The following ZNF280C variants were observed in gnomAD, a reference collection of about 807,000 sequenced individuals.
ZNF280C encodes suppressor of hairy wing homolog 3.
Under a neutral mutation model 53.6 loss-of-function variants are expected in ZNF280C, and 14 were observed. The ratio of observed to expected loss-of-function variants is 0.26; its 90% confidence interval spans 0.17 to 0.41. The LOEUF (loss-of-function observed/expected upper bound fraction) is 0.41, where lower values mean the gene tolerates loss of function less well. Ranked by LOEUF, ZNF280C falls within the 10% of genes least tolerant of loss-of-function variation. The probability of loss-of-function intolerance (pLI) is 1.00; values close to 1 mark genes in which losing one functional copy is unlikely to be tolerated. For synonymous variants in ZNF280C, 203 were observed against 181.1 expected (o/e 1.12, Z -0.97); for missense variants, 416 against 547.1 (o/e 0.76, Z 2.39).
At chrX:130,262,246 T>C (rs1443610771) in intron 1 of ZNF280C, among the ~76,000 whole-genome samples, 1 of 111,423 alleles carries the variant, frequency 9.0e-6, no homozygotes, top group Admixed American at 9.6e-5. Flanking sequence ...TAGCCACATG[T>C]GGCTACTTCA....
chrX:130,217,070 G>A (rs2032112750), intron 13 of ZNF280C, among the ~76,000 whole-genome samples: 1 of 111,853 alleles, frequency 8.9e-6, no homozygotes, highest in Non-Finnish European at 1.9e-5. Flanking sequence ...TTAAAGGTAA[G>A]AGTTACCATT....
chrX:130,262,954 A>G (rs1264791192), intron 1 of ZNF280C, among the ~76,000 whole-genome samples: 4 of 112,757 alleles, frequency 3.5e-5, no homozygotes, highest in African/African-American at 1.3e-4. Flanking sequence ...TGACATAGTT[A>G]AAATGGTAAA....
At chrX:130,242,187 G>A (rs770990594) in intron 5 of ZNF280C, among the ~76,000 whole-genome samples, 1 of 109,978 alleles carries the variant, frequency 9.1e-6, no homozygotes, top group Non-Finnish European at 1.9e-5. Context: ...AGGTTGCAGA[G>A]AGCTGAGATC....
At chrX:130,264,024 CAAAAAAA>C (rs538734296) in intron 1 of ZNF280C, among the ~76,000 whole-genome samples, 4 of 24,055 alleles carry the variant, frequency 1.7e-4, no homozygotes, top group Admixed American at 1.5e-3. Flanking sequence ...GACACCATCT[CAAAAAAA>C]AAAAAAAAAA....
At chrX:130,217,986 C>T (rs1029034933) in intron 13 of ZNF280C, among the ~76,000 whole-genome samples, 1 of 111,313 alleles carries the variant, frequency 9.0e-6, no homozygotes, top group Non-Finnish European at 1.9e-5. Flanking sequence ...GCCTGGGCAA[C>T]TCATCTCTAC....
At chrX:130,263,168 G>A (rs2124718647) in intron 1 of ZNF280C, among the ~76,000 whole-genome samples, 1 of 112,150 alleles carries the variant, frequency 8.9e-6, no homozygotes, top group South Asian at 3.7e-4. Context: ...TCCTCACAAA[G>A]TTAAACAGAG....
intron 16 of ZNF280C, among the ~76,000 whole-genome samples, chrX:130,207,419 G>T (rs1331614233): frequency 9.0e-6 from 1 of 111,531 alleles, no homozygotes; most frequent in Non-Finnish European, 1.9e-5. Flanking sequence ...GAGTGCAGTG[G>T]CGCGATCTCG....
chrX:130,251,494 A>C (rs1000908408), intron 2 of ZNF280C, among the ~76,000 whole-genome samples: 7 of 110,817 alleles, frequency 6.3e-5, no homozygotes, highest in African/African-American at 2.3e-4. Flanking sequence ...AAACAGCCAG[A>C]GTAGCGCAGG....
chrX:130,210,679 T>C (rs779095069), intron 15 of ZNF280C, among the ~76,000 whole-genome samples: 1 of 112,509 alleles, frequency 8.9e-6, no homozygotes, highest in African/African-American at 3.2e-5. Flanking sequence ...GCAGAGCTCA[T>C]GAATTAAAAC....
chrX:130,221,167 T>C (rs193084079), intron 12 of ZNF280C, among the ~76,000 whole-genome samples: 1,213 of 111,629 alleles, frequency 0.011, 8 homozygotes, highest in Non-Finnish European at 0.018. Flanking sequence ...ATAAGGTGTT[T>C]GCATTACTAT....
intron 2 of ZNF280C, among the ~76,000 whole-genome samples, chrX:130,247,488 G>A (rs1362375628): frequency 1.8e-5 from 2 of 111,376 alleles, no homozygotes; most frequent in Non-Finnish European, 3.8e-5. Flanking sequence ...CCCCCACCCT[G>A]AGCGGCCATC....
chrX:130,239,471 T>C (rs2032366402), intron 6 of ZNF280C, 111 bp downstream of exon 6: 1 of 424,731 alleles, frequency 2.4e-6, no homozygotes, highest in Non-Finnish European at 4.1e-6. Context: ...CATGTTATAA[T>C]ATATGAAAAA....
chrX:130,224,361 G>C (rs1312975993), intron 12 of ZNF280C, among the ~76,000 whole-genome samples: 4 of 111,579 alleles, frequency 3.6e-5, no homozygotes, highest in Non-Finnish European at 7.5e-5. Flanking sequence ...ATAAGTGCTT[G>C]TTGTTTAAGC....
Position 130,227,981 on chromosome X carries a change from C to G in ZNF280C, c.1148-199G>C, listed in dbSNP as rs374633078. 5.7e-4 allele frequency among the ~76,000 whole-genome samples: 64 copies of G among 111,738 alleles called. 4 individuals are homozygous for G. In the East Asian group the frequency reaches 6.7e-3, roughly 12 times the overall value. Reference sequence around the variant, plus strand: ...TCTCGTAACATCACTGAGGAAGGTACTGTTATTTTTATTCCTATTTTTCAG... The same window carrying G: ...TCTCGTAACATCACTGAGGAAGGTAGTGTTATTTTTATTCCTATTTTTCAG... On this transcript the variant is annotated intron_variant, in intron 10 of 18. Transcript: ENST00000370978.
rs1190733910 is a variant in ZNF280C at position 130,268,880 on chromosome X, G to C, written c.-135C>G. The C allele has an allele frequency of 8.9e-6, 1 of 112,766 alleles. No individual in the cohort carries two copies. Among genetic ancestry groups the C allele is most frequent in the Middle Eastern group, 4.5e-3 (1 of 223 alleles). The allele number at this position is 112,766 out of a possible 1,213,427, so 9.3% of individuals were successfully genotyped here. ...AGCCTCAGCAACAGCGACTCCCCCG[G>C]AGACTTCCAGCGCGGAACCGGCGTC... On this transcript the variant is annotated 5_prime_UTR_variant, in exon 1 of 19. Transcript: ENST00000370978.
intron 1 of ZNF280C, among the ~76,000 whole-genome samples, chrX:130,263,805 T>C (rs1016916979): frequency 5.5e-5 from 6 of 109,487 alleles, no homozygotes; most frequent in South Asian, 3.9e-4. Context: ...GGCAGGTGCA[T>C]TGCAAAGTCA....
At chrX:130,208,017 G>A (rs2031995565) in intron 16 of ZNF280C, among the ~76,000 whole-genome samples, 1 of 111,696 alleles carries the variant, frequency 9.0e-6, no homozygotes, top group South Asian at 3.7e-4. Context: ...TTCCTACGCT[G>A]TATTATACAT....
intron 6 of ZNF280C, among the ~76,000 whole-genome samples, chrX:130,237,807 G>C (rs1253615559): frequency 9.0e-6 from 1 of 111,493 alleles, no homozygotes; most frequent in Non-Finnish European, 1.9e-5. Flanking sequence ...AGGCACCTAA[G>C]ACTAATTTTT....
intron 5 of ZNF280C, among the ~76,000 whole-genome samples, chrX:130,241,974 G>A (rs1008666915): frequency 8.7e-5 from 8 of 92,171 alleles, no homozygotes; most frequent in African/African-American, 2.7e-4. Flanking sequence ...GGTGGCTCAC[G>A]TCTGTAATTC....
Sources: allele counts gnomAD v4.1 joint callset (sites outside exome capture counted in the v4.1 genomes callset), GRCh38; gene constraint gnomAD v4.1.1; transcripts MANE v1.5; gene names NCBI Gene and HGNC (gene_info 2026-07-23, HGNC 2026-07-21).